Variants in ANK1 observed in about 807,000 individuals in gnomAD.
The protein encoded by ANK1 is ankyrin-1.
ANK1 carries 51 observed loss-of-function variants against 210.4 expected under a neutral mutation model. That is an observed-to-expected ratio of 0.24 (90% CI 0.19 to 0.31). The LOEUF (loss-of-function observed/expected upper bound fraction) is 0.31. Among genes scored for constraint, ANK1 ranks in the 10% least tolerant of loss-of-function variants. The probability of loss-of-function intolerance (pLI) is 1.00; values close to 1 mark genes in which losing one functional copy is unlikely to be tolerated. For missense variants in ANK1, 2,051 were observed against 2,504.4 expected, an observed-to-expected ratio of 0.82 and a Z score of 3.86; for synonymous variants, 967 against 1,025.9, an observed-to-expected ratio of 0.94 and a Z score of 1.10.
intron 2 of ANK1, among the ~76,000 whole-genome samples, chr8:41,744,463 G>A (rs761870487): frequency 7.9e-5 from 12 of 151,792 alleles, no homozygotes; most frequent in Non-Finnish European, 1.6e-4. Flanking sequence ...GTAGAAAAAC[G>A]TGGCTGGCAC....
intron 40 of ANK1, among the ~76,000 whole-genome samples, chr8:41,662,250 CTG>C (rs1286323780): frequency 1.4e-5 from 2 of 146,634 alleles, no homozygotes; most frequent in African/African-American, 5.1e-5. Context: ...GAGCAACACT[CTG>C]TGTCAAAAAA....
intron 1 of ANK1, among the ~76,000 whole-genome samples, chr8:41,833,360 C>T (rs1563869545): frequency 1.3e-5 from 2 of 152,166 alleles, no homozygotes; most frequent in East Asian, 1.9e-4. Flanking sequence ...GTGAAACCCA[C>T]GGGTCTGTGC....
At chr8:41,657,506 T>C (rs1806168742) in intron 42 of ANK1, among the ~76,000 whole-genome samples, 1 of 152,254 alleles carries the variant, frequency 6.6e-6, no homozygotes, top group African/African-American at 2.4e-5. Context: ...TGTCTGCATA[T>C]TTCCCTGACT....
At chr8:41,803,085 G>GGAAGGAAAGGAAAGGAAAGGAAAGGA (rs1563811160) in intron 1 of ANK1, among the ~76,000 whole-genome samples, 1 of 60,032 alleles carries the variant, frequency 1.7e-5, no homozygotes, top group African/African-American at 7.9e-5. Context: ...GGAAGGAAGG[G>GGAAGGAAAGGAAAGGAAAGGAAAGGA]AAGGAAAGGA....
chr8:41,750,370 C>A (rs1467746174), intron 2 of ANK1, among the ~76,000 whole-genome samples: 2 of 152,192 alleles, frequency 1.3e-5, no homozygotes, highest in African/African-American at 2.4e-5. Flanking sequence ...GACACTGCAG[C>A]AAATATTGCC....
At position 41,692,833 on chromosome 8, in the gene ANK1, A is replaced by G; in HGVS notation, c.3673T>C (p.Phe1225Leu). The change falls in exon 31 of 43, where the codon TTT becomes CTT. Residue 1225 changes from phenylalanine to leucine, a missense_variant. By Grantham distance (22) the Phe-to-Leu change is conservative (BLOSUM62 0). Transcript: ENST00000289734. ...AGCTCTTTGTACAGCAGGGTGGCAA[A>G]GTTCACAGCCTCAGCAGTCCGAGGA... ...DCPRTAEAVN[F>L]ATLLYKELTA... is the part of the protein sequence containing the mutation. 1.2e-6 allele frequency: 2 copies of G among 1,614,118 alleles called. No individual in the cohort carries two copies. Among genetic ancestry groups the G allele is most frequent in the South Asian group, 2.2e-5 (2 of 91,084 alleles).
At chr8:41,862,701 A>G (rs1006313247) in intron 1 of ANK1, among the ~76,000 whole-genome samples, 1 of 151,718 alleles carries the variant, frequency 6.6e-6, no homozygotes, top group African/African-American at 2.4e-5. Context: ...AACAAGTTCA[A>G]AAGGGGAAAA....
chr8:41,803,048 A>G (rs1273336871), intron 1 of ANK1, among the ~76,000 whole-genome samples: 251 of 80,092 alleles, frequency 3.1e-3, no homozygotes, highest in African/African-American at 0.012. Flanking sequence ...AAAGAGAAAG[A>G]AAGAAAGAGA....
At chr8:41,666,408 T>C (rs1810567711) in intron 39 of ANK1, among the ~76,000 whole-genome samples, 1 of 152,196 alleles carries the variant, frequency 6.6e-6, no homozygotes, top group Non-Finnish European at 1.5e-5. Flanking sequence ...ACATTCCAAA[T>C]GCCTCTCACT....
intron 1 of ANK1, among the ~76,000 whole-genome samples, chr8:41,872,481 C>T (rs1224940093): frequency 6.6e-6 from 1 of 152,226 alleles, no homozygotes; most frequent in Non-Finnish European, 1.5e-5. Context: ...AATCTAGCCC[C>T]AATTCCAGAC....
intron 1 of ANK1, among the ~76,000 whole-genome samples, chr8:41,795,416 C>T (rs901312395): frequency 8.6e-5 from 13 of 151,836 alleles, no homozygotes; most frequent in African/African-American, 1.7e-4. Flanking sequence ...GGCTGAGGCA[C>T]GAGGATTGCT....
At chr8:41,726,897 A>T (rs1159374584) in intron 5 of ANK1, among the ~76,000 whole-genome samples, 1 of 152,232 alleles carries the variant, frequency 6.6e-6, no homozygotes, top group Non-Finnish European at 1.5e-5. Flanking sequence ...CCAAGGGTGC[A>T]TGGTGGTTTT....
At position 41,718,269 on chromosome 8, in the gene ANK1, A is replaced by T. The variant is rs1182571231; in HGVS notation, c.1108-65T>A. 3.3e-6 allele frequency: 5 copies of T among 1,524,418 alleles called. No homozygotes were observed. The Admixed American group carries it at 8.4e-5, about 26-fold the overall frequency. The allele number at this position is 1,524,418 out of a possible 1,614,324, so 94.4% of individuals were successfully genotyped here. A position where few individuals can be genotyped will look rare whatever the true frequency, so the allele number is the denominator to read the frequency against. On this transcript the variant is annotated intron_variant, in intron 10 of 42. Coordinates refer to ENST00000289734, the MANE Select transcript of ANK1 (RefSeq NM_000037.4). ...ACACACGGGCCCAAGGAACGCCCAG[A>T]AGACCACCTGGCTGCTCTAAAAGGC...
In ANK1 at chr8:41,672,806, G is replaced by A. The variant is rs1032828158; in HGVS notation, c.4644C>T (p.Asp1548=). The change falls in exon 38 of 43, where the codon GAC becomes GAT. Residue 1548 remains aspartate (D), a synonymous_variant. Transcript: ENST00000289734. ...DQYWNEVAVL[D]AIPLAATEHD... is the part of the protein sequence containing the mutation. Reference sequence around the variant, plus strand: ...GCTCCGTGGCCGCCAAGGGGATGGCGTCTAGGACGGCCACCTCATTCCAGT... The same window carrying A: ...GCTCCGTGGCCGCCAAGGGGATGGCATCTAGGACGGCCACCTCATTCCAGT... 1.2e-5 allele frequency: 19 copies of A among 1,607,564 alleles called. No homozygotes were observed. The highest frequency in any genetic ancestry group is 1.7e-4 in the Middle Eastern group (1 of 6,048).
intron 1 of ANK1, among the ~76,000 whole-genome samples, chr8:41,834,680 C>T (rs892867445): frequency 6.6e-6 from 1 of 152,208 alleles, no homozygotes; most frequent in Non-Finnish European, 1.5e-5. Flanking sequence ...TCGAAGAGGC[C>T]ACAAGAAGTA....
At chr8:41,697,903 C>G (rs969113946) in intron 24 of ANK1, 140 bp downstream of exon 24, 2 of 824,418 alleles carry the variant, frequency 2.4e-6, no homozygotes, top group East Asian at 2.7e-5. Context: ...GGCGTCCAAG[C>G]GTGGAATGCC....
chr8:41,896,559 G>A, exon 1 of ANK1: 1 of 1,504,064 alleles, frequency 6.6e-7, no homozygotes, highest in Admixed American at 2.1e-5. Flanking sequence ...CCCTAAGAAG[G>A]GGAAGGGGGT....
At chr8:41,749,055 A>G (rs1836979774) in intron 2 of ANK1, among the ~76,000 whole-genome samples, 1 of 151,986 alleles carries the variant, frequency 6.6e-6, no homozygotes. Flanking sequence ...AAATTGTTGA[A>G]TGAATGATTA....
intron 1 of ANK1, among the ~76,000 whole-genome samples, chr8:41,771,449 T>C (rs765101418): frequency 1.3e-5 from 2 of 152,232 alleles, no homozygotes; most frequent in African/African-American, 2.4e-5. Context: ...TCCATCTGCA[T>C]TTTGTTCATA....
Sources: gnomAD v4.1 joint callset for allele counts (sites outside exome capture counted in the v4.1 genomes callset) on GRCh38, gnomAD v4.1.1 for gene constraint, MANE v1.5 for transcripts, NCBI Gene and HGNC (gene_info 2026-07-23, HGNC 2026-07-21) for gene names.